C19orf44: variants seen among roughly 807,000 people sequenced by gnomAD.
C19orf44 encodes uncharacterized protein C19orf44.
A neutral mutation model predicts 50.7 loss-of-function variants in C19orf44; 43 were observed. That is an observed-to-expected ratio of 0.85 (90% confidence interval 0.66 to 1.09). The LOEUF (loss-of-function observed/expected upper bound fraction) is 1.09, where lower values mean the gene tolerates loss of function less well. Among genes scored for constraint, C19orf44 ranks in the 50% least tolerant of loss-of-function variants. C19orf44 has a pLI of 0.00. For missense variants in C19orf44, 722 were observed against 836.2 expected, an observed-to-expected ratio of 0.86 and a Z score of 1.68; for synonymous variants, 298 against 334.7, an observed-to-expected ratio of 0.89 and a Z score of 1.20.
chr19:16,516,355 G>A (rs779329038), intron 7 of C19orf44, among the ~76,000 whole-genome samples: 5 of 152,150 alleles, frequency 3.3e-5, no homozygotes, highest in Non-Finnish European at 7.3e-5. Context: ...TGAGGTGGGA[G>A]GATCACTTGA....
In C19orf44 at chr19:16,500,977, T is replaced by G. The variant is rs1451830214; in HGVS notation, c.185T>G (p.Leu62Ter). The part of the protein sequence containing the change: ...KRNQTLDEKH[L>*]LLKENPVLGS... ...AACCAAACTCTAGATGAGAAACACT[T>G]ACTCCTGAAAGAGAACCCTGTGCTC... The change falls in exon 2 of 9, where the codon TTA becomes TGA. Residue 62 changes from leucine to a stop codon, truncating the protein, a stop_gained. Coordinates refer to ENST00000221671, the MANE Select transcript of C19orf44 (RefSeq NM_032207.4). LOFTEE classifies it high-confidence loss of function. 1.2e-6 allele frequency: 2 copies of G among 1,613,564 alleles called. No homozygotes were observed. The highest frequency in any genetic ancestry group is 1.7e-6 in the Non-Finnish European group (2 of 1,179,826).
chr19:16,514,400 G>T, intron 6 of C19orf44, 97 bp from the exon 7 acceptor site: 10 of 1,185,998 alleles, frequency 8.4e-6, no homozygotes, highest in Non-Finnish European at 1.0e-5. Context: ...AAAAAAAAAA[G>T]ATTTCAGAGA....
Position 16,519,583 on chromosome 19 carries a change from A to G in C19orf44, c.*41-511A>G. ...GTGACTCCCGGGCCCAGCACGCGTG[A>G]GGACCCATCCCGCGCCCTCCCCATT... is the stretch of plus-strand genomic sequence containing the variant. On this transcript the variant is annotated intron_variant, in intron 8 of 8. Transcript: ENST00000221671. This position sits in a 1 kb window ranked among gnomAD's most constrained non-coding sequence, Gnocchi z 6.0. The G allele has an allele frequency of 6.4e-7, 1 of 1,556,722 alleles. No individual in the cohort carries two copies. The highest frequency in any genetic ancestry group is 8.9e-7 in the Non-Finnish European group (1 of 1,128,096).
chr19:16,508,084 C>T (rs1038148639), intron 4 of C19orf44, among the ~76,000 whole-genome samples: 17 of 151,830 alleles, frequency 1.1e-4, no homozygotes, highest in Admixed American at 2.0e-4. Flanking sequence ...GGATTACAGG[C>T]GTGAGCCACC....
chr19:16,512,480 C>T (rs1330740522), intron 5 of C19orf44, among the ~76,000 whole-genome samples: 1 of 152,194 alleles, frequency 6.6e-6, no homozygotes, highest in African/African-American at 2.4e-5. Context: ...GCCGGAGCCA[C>T]CGCTGCACCC....
intron 7 of C19orf44, among the ~76,000 whole-genome samples, chr19:16,515,787 C>CTAT (rs2093469772): frequency 6.6e-6 from 1 of 151,442 alleles, no homozygotes; most frequent in South Asian, 2.1e-4. Flanking sequence ...TTATGGTGAT[C>CTAT]TATTCATAAA....
intron 5 of C19orf44, among the ~76,000 whole-genome samples, chr19:16,512,452 C>G (rs913335788): frequency 3.9e-5 from 6 of 152,080 alleles, no homozygotes; most frequent in Non-Finnish European, 5.9e-5. Flanking sequence ...CCACTGCTCT[C>G]GACTGCAGCC....
chr19:16,516,688 G>A (rs759864908), intron 7 of C19orf44, among the ~76,000 whole-genome samples: 26 of 152,330 alleles, frequency 1.7e-4, no homozygotes, highest in Middle Eastern at 3.4e-3. Context: ...GGAGCTAGGC[G>A]TTTCTCCCAC....
At chr19:16,504,285 G>T (rs191212367) in intron 3 of C19orf44, among the ~76,000 whole-genome samples, 15 of 152,112 alleles carry the variant, frequency 9.9e-5, no homozygotes, top group African/African-American at 3.4e-4. Flanking sequence ...GCACACACTT[G>T]GTTCAGGCAC....
chr19:16,517,741 G>T, intron 8 of C19orf44: 1 of 199,622 alleles, frequency 5.0e-6, no homozygotes, highest in Non-Finnish European at 1.0e-5. Flanking sequence ...CCCTGCTCGA[G>T]GGTAAGGACA....
intron 1 of C19orf44, among the ~76,000 whole-genome samples, chr19:16,500,433 T>G (rs2093421775): frequency 6.6e-6 from 1 of 151,692 alleles, no homozygotes; most frequent in South Asian, 2.1e-4. Context: ...GGTGTGCACC[T>G]GTAGTCCCAG....
chr19:16,517,585 A>C (rs2085554682), intron 8 of C19orf44, among the ~76,000 whole-genome samples: 2 of 152,126 alleles, frequency 1.3e-5, no homozygotes. Flanking sequence ...CAGCTCTATG[A>C]CACCACAGGC....
rs781249551 is a variant in C19orf44, at chr19:16,501,349, C to T, written c.557C>T (p.Pro186Leu). 4.3e-6 allele frequency: 7 copies of T among 1,614,098 alleles called. No homozygotes were observed. The East Asian group carries it at 1.6e-4, about 36-fold the overall frequency. The change falls in exon 2 of 9, where the codon CCT becomes CTT. Residue 186 changes from proline to leucine, a missense_variant. Pro to Leu is a moderately conservative substitution (Grantham distance 98). Transcript: ENST00000221671. Reference sequence around the variant, plus strand: ...CAAGCACCTGTTGAAAACATATCCCCTGAAGCACCTGCTGGGAAAGAGAGG... The same window carrying T: ...CAAGCACCTGTTGAAAACATATCCCTTGAAGCACCTGCTGGGAAAGAGAGG... ...KKQAPVENIS[P>L]EAPAGKERTL...
At chr19:16,509,401 G>A in intron 4 of C19orf44, 98 bp from the exon 5 acceptor site, 1 of 1,459,200 alleles carries the variant, frequency 6.9e-7, no homozygotes, top group Non-Finnish European at 9.2e-7. Context: ...CTTGTCTGCG[G>A]GAGTGCTGCA....
At chr19:16,516,042 C>T (rs1340521334) in intron 7 of C19orf44, among the ~76,000 whole-genome samples, 1 of 152,188 alleles carries the variant, frequency 6.6e-6, no homozygotes, top group Non-Finnish European at 1.5e-5. Flanking sequence ...AGGTGATCCA[C>T]CTGCCTCGGC....
chr19:16,509,682 C>T lies in C19orf44; in HGVS notation c.1333C>T (p.Gln445Ter), dbSNP rs761121917. Residue 445 changes from glutamine (Q) to a stop codon, truncating the protein, a stop_gained, in exon 5 of 9, where the codon CAG becomes TAG. Coordinates refer to ENST00000221671, the MANE Select transcript of C19orf44 (RefSeq NM_032207.4). LOFTEE classifies it high-confidence loss of function. Reference sequence around the variant, plus strand: ...CAGTGCCAGCTCGGCTTCTGCCATCCAGCAGGACAGCACTTCCAGCATGCA... The same window carrying T: ...CAGTGCCAGCTCGGCTTCTGCCATCTAGCAGGACAGCACTTCCAGCATGCA... ...HLSASSASAI[Q>*]QDSTSSMQPP... 1.2e-6 allele frequency: 2 copies of T among 1,614,250 alleles called. No homozygotes were observed. Among genetic ancestry groups the T allele is most frequent in the East Asian group, 4.5e-5 (2 of 44,888 alleles).
At chr19:16,515,763 C>G (rs940495773) in intron 7 of C19orf44, among the ~76,000 whole-genome samples, 1 of 151,236 alleles carries the variant, frequency 6.6e-6, no homozygotes, top group Non-Finnish European at 1.5e-5. Flanking sequence ...TGGCATTATA[C>G]TATATGCAGT....
intron 6 of C19orf44, 53 bp from the exon 7 acceptor site, chr19:16,514,444 G>C (rs1244681663): frequency 6.7e-7 from 1 of 1,488,726 alleles, no homozygotes; most frequent in Admixed American, 2.0e-5. Context: ...GGGGGGGGCT[G>C]CAGAATTTGT....
intron 3 of C19orf44, among the ~76,000 whole-genome samples, chr19:16,504,048 C>T (rs536007378): frequency 6.6e-5 from 10 of 152,220 alleles, no homozygotes; most frequent in South Asian, 6.2e-4. Context: ...TGTGGTTGTG[C>T]GCACCTGTAG....
Sources: allele counts gnomAD v4.1 joint callset (sites outside exome capture counted in the v4.1 genomes callset), GRCh38; gene constraint gnomAD v4.1.1; non-coding constraint Gnocchi (gnomAD v3.1); transcripts MANE v1.5; gene names NCBI Gene and HGNC (gene_info 2026-07-23, HGNC 2026-07-21).